The following TUSC3 variants were observed in gnomAD, a reference collection of about 807,000 sequenced individuals.
The protein encoded by TUSC3 is tumor suppressor candidate 3.
A neutral mutation model predicts 44.8 loss-of-function variants in TUSC3; 45 were observed. That is an observed-to-expected ratio of 1.00 (90% CI 0.79 to 1.29). The LOEUF (loss-of-function observed/expected upper bound fraction) is 1.29. Ranked by LOEUF, TUSC3 falls within the 50% of genes most tolerant of loss-of-function variation. TUSC3 has a pLI of 0.00. For missense variants in TUSC3, 519 were observed against 437.9 expected (o/e 1.19, Z -1.65); for synonymous variants, 212 against 152.9 (o/e 1.39, Z -2.85).
At chr8:15,827,315 TA>T in the TUSC3 span, among the ~76,000 whole-genome samples, 3 of 152,202 alleles carry the variant, frequency 2.0e-5, no homozygotes, top group Non-Finnish European at 4.4e-5. Flanking sequence ...CTGAAGACAT[TA>T]AAAAATATTT....
At chr8:15,791,296 C>T in the TUSC3 span, among the ~76,000 whole-genome samples, 1 of 151,636 alleles carries the variant, frequency 6.6e-6, no homozygotes, top group African/African-American at 2.4e-5. Flanking sequence ...CACAAACACA[C>T]ACACACACAG....
intron 10 of TUSC3, among the ~76,000 whole-genome samples, chr8:15,759,804 A>G (rs150326611): frequency 2.6e-4 from 39 of 152,228 alleles, no homozygotes; most frequent in African/African-American, 8.7e-4. Context: ...ATACCACATT[A>G]ACAGTTCACC....
chr8:15,668,052 A>G lies in TUSC3; in HGVS notation c.709-5695A>G, dbSNP rs539563566. Among the ~76,000 whole-genome samples, 3 of 151,872 alleles carry G rather than the reference A, an allele frequency of 2.0e-5. No homozygotes were observed. In the South Asian group the frequency reaches 6.2e-4, roughly 31 times the overall value. ...GGTTATGTTCAGTTGTGTTTATTGA[A>G]TGCTTGCCTGCTATATAAATGCTGA... On this transcript the variant is annotated intron_variant, in intron 5 of 10. Coordinates refer to ENST00000503731, the MANE Select transcript of TUSC3 (RefSeq NM_006765.4).
chr8:15,523,639 C>CATATATATATATATATAT (rs151223991), intron 2 of TUSC3, among the ~76,000 whole-genome samples: 14 of 63,692 alleles, frequency 2.2e-4, no homozygotes, highest in South Asian at 1.2e-3. Flanking sequence ...CCTTTAAAAA[C>CATATATATATATATATAT]ATATATATAT....
At chr8:15,477,461 G>T (rs144451542) in intron 1 of TUSC3, among the ~76,000 whole-genome samples, 433 of 152,160 alleles carry the variant, frequency 2.8e-3, no homozygotes, top group African/African-American at 9.9e-3. Context: ...GTGTGCTCAC[G>T]CCTGTAATCC....
intron 5 of TUSC3, among the ~76,000 whole-genome samples, chr8:15,663,561 G>A (rs928717821): frequency 2.9e-4 from 44 of 151,846 alleles, no homozygotes; most frequent in African/African-American, 9.7e-4. Context: ...CTAGAGCTTA[G>A]AAATTCAGAC....
At chr8:15,603,050 G>GT (rs1172356108) in intron 1 of TUSC3, among the ~76,000 whole-genome samples, 3 of 151,534 alleles carry the variant, frequency 2.0e-5, no homozygotes, top group African/African-American at 7.3e-5. Context: ...AGAAAAGTCT[G>GT]TGTGACAAAG....
At chr8:15,711,459 GGTACGT>G (rs1288913665) in intron 6 of TUSC3, among the ~76,000 whole-genome samples, 5 of 97,664 alleles carry the variant, frequency 5.1e-5, no homozygotes, top group African/African-American at 1.9e-4. Flanking sequence ...AAAACAAAAA[GGTACGT>G]GTGTGTGTGT....
intron 7 of TUSC3, chr8:15,733,399 G>A (rs1343476605): frequency 2.5e-6 from 1 of 406,962 alleles, no homozygotes; most frequent in Non-Finnish European, 4.8e-6. Context: ...TAGCATCTTA[G>A]CAGTATACTT....
At chr8:15,453,100 C>A (rs569417401) in intron 1 of TUSC3, among the ~76,000 whole-genome samples, 2 of 152,100 alleles carry the variant, frequency 1.3e-5, no homozygotes, top group Non-Finnish European at 1.5e-5. Context: ...GGTATCTAGA[C>A]TTGAGAGCTA....
chr8:15,538,551 C>T (rs772279269), upstream of TUSC3, among the ~76,000 whole-genome samples: 1 of 152,166 alleles, frequency 6.6e-6, no homozygotes, highest in Non-Finnish European at 1.5e-5. Context: ...ATCTGAAAAT[C>T]GTTAACAGTG....
intron 1 of TUSC3, among the ~76,000 whole-genome samples, chr8:15,474,749 A>G (rs553484746): frequency 2.0e-5 from 3 of 152,338 alleles, no homozygotes; most frequent in African/African-American, 7.2e-5. Context: ...AATACATTAC[A>G]AAAATAAGTG....
chr8:15,658,639 TACAC>T (rs57739356), intron 3 of TUSC3, among the ~76,000 whole-genome samples: 267 of 148,674 alleles, frequency 1.8e-3, no homozygotes, highest in Non-Finnish European at 2.5e-3. Flanking sequence ...CACATATATA[TACAC>T]ACACACACAC....
At chr8:15,555,186 T>A (rs1430449725) in intron 1 of TUSC3, among the ~76,000 whole-genome samples, 1 of 141,686 alleles carries the variant, frequency 7.1e-6, no homozygotes, top group African/African-American at 2.6e-5. Context: ...TCTTACTCTG[T>A]TGTCCAGGGT....
the TUSC3 span, among the ~76,000 whole-genome samples, chr8:15,810,561 C>T: frequency 1.7e-4 from 26 of 151,962 alleles, 1 homozygote; most frequent in East Asian, 4.3e-3. Flanking sequence ...TCACTTGAGC[C>T]CAGGAGGTCA....
Position 15,676,814 on chromosome 8 carries a change from C to T in TUSC3, c.798+2978C>T, listed in dbSNP as rs1808211495. On this transcript the variant is annotated intron_variant, in intron 6 of 10. Transcript: ENST00000503731. The stretch of plus-strand genomic sequence containing the variant: ...AGAAACTTAGATGTAATTTTGACTT[C>T]CTGCATATTTTGCAGCTAAGAAAAC... Among the ~76,000 whole-genome samples, 3 of 152,078 alleles carry T rather than the reference C, an allele frequency of 2.0e-5. No individual in the cohort carries two copies. The South Asian group carries it at 6.2e-4, about 32-fold the overall frequency.
At chr8:15,509,212 G>T (rs150683205) in intron 2 of TUSC3, among the ~76,000 whole-genome samples, 1 of 152,200 alleles carries the variant, frequency 6.6e-6, no homozygotes. Flanking sequence ...TATTGGAGAT[G>T]ATAGTCTTTT....
intron 1 of TUSC3, among the ~76,000 whole-genome samples, chr8:15,576,479 A>G (rs1436421910): frequency 1.1e-5 from 1 of 93,122 alleles, no homozygotes; most frequent in Non-Finnish European, 2.0e-5. Context: ...ACCCCACCAC[A>G]GTCCCCAGAG....
intron 1 of TUSC3, among the ~76,000 whole-genome samples, chr8:15,566,002 A>G (rs1462959823): frequency 5.3e-5 from 8 of 152,160 alleles, no homozygotes; most frequent in Non-Finnish European, 8.8e-5. Flanking sequence ...CAAAACAAAT[A>G]TCATCGCTTA....
Sources: gnomAD v4.1 joint callset for allele counts (sites outside exome capture counted in the v4.1 genomes callset) on GRCh38, gnomAD v4.1.1 for gene constraint, MANE v1.5 for transcripts, NCBI Gene and HGNC (gene_info 2026-07-23, HGNC 2026-07-21) for gene names.